Variants in PMPCB observed in about 807,000 individuals in gnomAD.
PMPCB encodes the protein mitochondrial-processing peptidase subunit beta.
In PMPCB, 46 loss-of-function variants were observed where a neutral mutation model predicts 61.5. The observed-to-expected ratio is 0.75, with a 90% CI of 0.59 to 0.96. The LOEUF (loss-of-function observed/expected upper bound fraction) is 0.96, where lower values mean the gene tolerates loss of function less well. Ranked by LOEUF, PMPCB falls within the 40% of genes least tolerant of loss-of-function variation. The probability of loss-of-function intolerance (pLI) is 0.00; values close to 1 mark genes in which losing one functional copy is unlikely to be tolerated. For missense variants in PMPCB, 590 were observed against 602.4 expected, an observed-to-expected ratio of 0.98 and a Z score of 0.22; for synonymous variants, 191 against 201.6, an observed-to-expected ratio of 0.95 and a Z score of 0.44.
At chr7:103,324,710 G>A in intron 12 of PMPCB, 1 of 809,764 alleles carries the variant, frequency 1.2e-6, no homozygotes, top group Non-Finnish European at 1.7e-6. Context: ...GATGGAGCTG[G>A]AAGGTCAGCA....
rs1236948193 is a variant in PMPCB, at chr7:103,300,111, A to T, written c.328-67A>T. ...CTAACTTATGTCCTCCATATTCATT[A>T]TCTGAAGTAGAATAGATGAAGTATA... On this transcript the variant is annotated intron_variant, in intron 3 of 12. Coordinates refer to ENST00000249269, the MANE Select transcript of PMPCB (RefSeq NM_004279.3). The T allele has an allele frequency of 2.8e-6, 4 of 1,433,458 alleles. No homozygotes were observed. The Admixed American group carries it at 7.9e-5, about 28-fold the overall frequency. 88.8% of individuals were successfully genotyped at this position (1,433,458 alleles called of 1,614,324 possible). A position where few individuals can be genotyped will look rare whatever the true frequency, so the allele number is the denominator to read the frequency against.
intron 7 of PMPCB, among the ~76,000 whole-genome samples, chr7:103,308,333 A>G (rs1324483949): frequency 2.0e-5 from 3 of 152,214 alleles, no homozygotes; most frequent in African/African-American, 7.2e-5. Context: ...AGAAAAGTTC[A>G]GATTGAGGCC....
chr7:103,321,916 G>C, intron 12 of PMPCB: 1 of 1,601,392 alleles, frequency 6.2e-7, no homozygotes, highest in South Asian at 1.1e-5. Context: ...CCTAGTGTTT[G>C]TTCAGTCTGA....
At chr7:103,300,462 T>C (rs1817420161) in intron 4 of PMPCB, among the ~76,000 whole-genome samples, 155 bp downstream of exon 4, 1 of 152,240 alleles carries the variant, frequency 6.6e-6, no homozygotes, top group Admixed American at 6.5e-5. Flanking sequence ...GATCTTATTT[T>C]TTTTCTAAAT....
chr7:103,316,571 C>A, downstream of PMPCB: 2 of 423,154 alleles, frequency 4.7e-6, no homozygotes, highest in African/African-American at 4.1e-5. Flanking sequence ...CAGAGTAAGC[C>A]AACATAAATC....
intron 12 of PMPCB, chr7:103,322,591 C>T: frequency 6.2e-7 from 1 of 1,611,248 alleles, no homozygotes; most frequent in Non-Finnish European, 8.5e-7. Context: ...TTTTCTTCTT[C>T]CTTGAACTTT....
chr7:103,303,745 A>G, intron 4 of PMPCB, 97 bp from the exon 5 acceptor site: 1 of 740,254 alleles, frequency 1.4e-6, no homozygotes, highest in Non-Finnish European at 2.2e-6. Context: ...GTATTGAGTG[A>G]TGGGTCAGTG....
At chr7:103,328,914 G>C in intron 12 of PMPCB, 1 of 838,020 alleles carries the variant, frequency 1.2e-6, no homozygotes, top group Non-Finnish European at 1.7e-6. Context: ...TCCTTATTTA[G>C]GATTCTTTCT....
chr7:103,327,550 T>C (rs1044480239), intron 12 of PMPCB: 4 of 775,966 alleles, frequency 5.2e-6, no homozygotes, highest in Non-Finnish European at 8.3e-6. Flanking sequence ...TTTTAAAATG[T>C]CAAAGGATAG....
intron 4 of PMPCB, among the ~76,000 whole-genome samples, chr7:103,302,117 A>G (rs1156810192): frequency 6.6e-6 from 1 of 152,198 alleles, no homozygotes; most frequent in Non-Finnish European, 1.5e-5. Flanking sequence ...ATGTCCCTAC[A>G]AAGGACATGA....
At chr7:103,315,461 C>G (rs1817997015), downstream of PMPCB, among the ~76,000 whole-genome samples, 1 of 152,098 alleles carries the variant, frequency 6.6e-6, no homozygotes, top group Non-Finnish European at 1.5e-5. Flanking sequence ...CAAAATCAAG[C>G]AATTATCCCG....
intron 4 of PMPCB, among the ~76,000 whole-genome samples, chr7:103,303,555 CTA>C (rs974013032): frequency 4.7e-4 from 71 of 152,216 alleles, no homozygotes; most frequent in Admixed American, 3.3e-3. Flanking sequence ...ATAGAACAAT[CTA>C]TATTAATATG....
intron 3 of PMPCB, 119 bp from the exon 4 acceptor site, chr7:103,300,059 A>T: frequency 1.1e-6 from 1 of 939,298 alleles, no homozygotes; most frequent in Non-Finnish European, 1.6e-6. Flanking sequence ...GATGTACTTT[A>T]GAAACCAAAT....
rs1001464628 is a variant in PMPCB, at chr7:103,312,755, C to G, written c.*484C>G. On this transcript the variant is annotated 3_prime_UTR_variant, in exon 13 of 13. Coordinates refer to ENST00000249269, the MANE Select transcript of PMPCB (RefSeq NM_004279.3). ...ACTAAGATAGATAGTACTAAATATA[C>G]TGATTTCATTATCTGCCAGGGCCTA... The G allele has an allele frequency of 2.0e-6, 3 of 1,526,968 alleles. No individual in the cohort carries two copies. In the African/African-American group the frequency reaches 4.2e-5, roughly 21 times the overall value. The allele number at this position is 1,526,968 out of a possible 1,614,324, so 94.6% of individuals were successfully genotyped here.
chr7:103,303,798 G>C, intron 4 of PMPCB, 44 bp from the exon 5 acceptor site: 1 of 1,409,058 alleles, frequency 7.1e-7, no homozygotes, highest in Non-Finnish European at 9.8e-7. Flanking sequence ...AATAGTGAAA[G>C]TTAAGATTGC....
chr7:103,323,408 C>A lies in PMPCB; in HGVS notation c.*1432-5523C>A, dbSNP rs191419342. Among the ~76,000 whole-genome samples, 4 of 152,174 alleles carry A rather than the reference C, an allele frequency of 2.6e-5. No individual in the cohort carries two copies. In the East Asian group the frequency reaches 7.7e-4, roughly 29 times the overall value. On this transcript the variant is annotated intron_variant and NMD_transcript_variant, in intron 12 of 12. Transcript: ENST00000444457. Reference sequence around the variant, plus strand: ...TTCCTTGGCAATTTCTTAAGCATATCCTAACCAATTATTGATCTGGGCCCA... The same window carrying A: ...TTCCTTGGCAATTTCTTAAGCATATACTAACCAATTATTGATCTGGGCCCA...
intron 12 of PMPCB, among the ~76,000 whole-genome samples, chr7:103,326,166 CAG>C (rs1818694961): frequency 1.3e-5 from 2 of 151,910 alleles, no homozygotes; most frequent in Non-Finnish European, 2.9e-5. Flanking sequence ...TTAGTAGAGA[CAG>C]GGTTTCACCA....
chr7:103,346,911 G>C, the PMPCB span, among the ~76,000 whole-genome samples: 20 of 152,022 alleles, frequency 1.3e-4, no homozygotes, highest in East Asian at 3.7e-3. Context: ...TGGACACTTG[G>C]GTTGCTTCCA....
chr7:103,345,334 T>G, the PMPCB span, among the ~76,000 whole-genome samples: 2 of 152,198 alleles, frequency 1.3e-5, no homozygotes, highest in South Asian at 4.1e-4. Context: ...ATTCAAGATA[T>G]TCCCAATTAT....
Sources: gnomAD v4.1 joint callset for allele counts (sites outside exome capture counted in the v4.1 genomes callset) on GRCh38, gnomAD v4.1.1 for gene constraint, MANE v1.5 for transcripts, NCBI Gene and HGNC (gene_info 2026-07-23, HGNC 2026-07-21) for gene names.